The following ALMS1 variants were observed in gnomAD, a reference collection of about 807,000 sequenced individuals.
ALMS1 encodes the protein ALMS1 centrosome and basal body associated protein, also known as centrosome-associated protein ALMS1.
A neutral mutation model predicts 352.2 loss-of-function variants in ALMS1; 271 were observed. The observed-to-expected ratio is 0.77, with a 90% CI of 0.70 to 0.85. ALMS1 has a LOEUF of 0.85. ALMS1 is among the 40% of genes least tolerant of loss of function. The pLI is 0.00. For synonymous variants in ALMS1, 1,865 were observed against 1,761.2 expected (o/e 1.06, Z -1.48); for missense variants, 5,445 against 4,870.7 (o/e 1.12, Z -3.51).
chr2:73,431,251 T>C (rs1412756649), intron 6 of ALMS1, among the ~76,000 whole-genome samples: 2 of 152,186 alleles, frequency 1.3e-5, no homozygotes, highest in African/African-American at 4.8e-5. Context: ...GAAACCTGTA[T>C]GGGCAGTAGA....
chr2:73,465,338 T>C (rs1199636507), intron 9 of ALMS1, among the ~76,000 whole-genome samples: 1 of 152,064 alleles, frequency 6.6e-6, no homozygotes, highest in African/African-American at 2.4e-5. Flanking sequence ...ATGCCACATA[T>C]CTACAACCAT....
intron 1 of ALMS1, among the ~76,000 whole-genome samples, chr2:73,393,527 A>G (rs1245076883): frequency 6.6e-6 from 1 of 152,132 alleles, no homozygotes; most frequent in East Asian, 1.9e-4. Flanking sequence ...CGTTGTACTC[A>G]TTAAGTAATT....
chr2:73,530,620 A>G (rs1673888729), intron 11 of ALMS1, among the ~76,000 whole-genome samples: 1 of 152,226 alleles, frequency 6.6e-6, no homozygotes, highest in Non-Finnish European at 1.5e-5. Context: ...CAGCTCCACT[A>G]GGCAGTGCCC....
chr2:73,600,997 A>G, intron 18 of ALMS1, 116 bp downstream of exon 18: 1 of 1,412,772 alleles, frequency 7.1e-7, no homozygotes, highest in Non-Finnish European at 9.7e-7. Context: ...CCCCAGCCAC[A>G]ACCTTGTCAG....
chr2:73,422,087 C>G (rs1378736363), intron 3 of ALMS1, among the ~76,000 whole-genome samples: 4 of 151,876 alleles, frequency 2.6e-5, no homozygotes, highest in African/African-American at 4.8e-5. Context: ...GAAATTAAAA[C>G]TGAAACATTT....
intron 2 of ALMS1, among the ~76,000 whole-genome samples, chr2:73,415,283 CAG>C (rs994689390): frequency 5.3e-5 from 8 of 151,826 alleles, no homozygotes; most frequent in African/African-American, 1.9e-4. Context: ...AAAGGTTGAA[CAG>C]AGGTTGTTTT....
Position 73,455,086 on chromosome 2 carries a change from T to C in ALMS1, c.7541-76T>C. On this transcript the variant is annotated intron_variant, in intron 8 of 22. Coordinates refer to ENST00000613296, the MANE Select transcript of ALMS1 (RefSeq NM_001378454.1). ...GTGGGTATTAAATTGCATATATTGA[T>C]GATCTTCTGTGTTGCAATTGTTGAC... 3 of 1,497,916 alleles carry C rather than the reference T, an allele frequency of 2.0e-6. No individual in the cohort carries two copies. The South Asian group carries it at 3.4e-5, about 17-fold the overall frequency. 92.8% of individuals were successfully genotyped at this position (1,497,916 alleles called of 1,614,324 possible). A position where few individuals can be genotyped will look rare whatever the true frequency, so the allele number is the denominator to read the frequency against.
chr2:73,601,441 A>G lies in ALMS1; in HGVS notation c.12114+5A>G, dbSNP rs1031265010. On this transcript the variant is annotated splice_donor_5th_base_variant and intron_variant, in intron 19 of 22. Coordinates refer to ENST00000613296, the MANE Select transcript of ALMS1 (RefSeq NM_001378454.1). ...TTTGTGAGAGCAACCCTTCAGGTGC[A>G]GTGACGTTGACTTAACTTTAATGCT... 1 of 1,613,804 alleles carries G rather than the reference A, an allele frequency of 6.2e-7. No homozygotes were observed. Among genetic ancestry groups the G allele is most frequent in the African/African-American group, 1.3e-5 (1 of 74,930 alleles).
chr2:73,541,352 C>T (rs1674175678), intron 12 of ALMS1, among the ~76,000 whole-genome samples: 1 of 152,204 alleles, frequency 6.6e-6, no homozygotes, highest in Admixed American at 6.5e-5. Context: ...ATACCACAAT[C>T]TCTGGAACAC....
At chr2:73,408,768 T>C in intron 2 of ALMS1, 21 bp downstream of exon 2, 1 of 1,597,326 alleles carries the variant, frequency 6.3e-7, no homozygotes, top group Non-Finnish European at 8.5e-7. Flanking sequence ...TGTAACTGGC[T>C]AACTTTTTTT....
chr2:73,388,344 G>A (rs373039499), intron 1 of ALMS1, among the ~76,000 whole-genome samples: 1 of 152,124 alleles, frequency 6.6e-6, no homozygotes, highest in South Asian at 2.1e-4. Flanking sequence ...ATAATGGTGA[G>A]GTTTGGGCTT....
chr2:73,567,199 T>C (rs1163112021), intron 15 of ALMS1, among the ~76,000 whole-genome samples: 3 of 152,214 alleles, frequency 2.0e-5, no homozygotes, highest in Non-Finnish European at 2.9e-5. Flanking sequence ...TCTAAACATA[T>C]GGTTGTTCCC....
Position 73,451,721 on chromosome 2 carries a change from A to T in ALMS1, c.5194A>T (p.Thr1732Ser), listed in dbSNP as rs370735089. The stretch of plus-strand genomic sequence containing the variant: ...ACAGGCCCTGCCAGACAGTGAGCTA[A>T]CTCAAGAAGCTCTGAAAGTTTCAGC... The part of the protein sequence containing the change: ...YQQALPDSEL[T>S]QEALKVSAVP... The change falls in exon 8 of 23, where the codon ACT (threonine) becomes TCT (serine). Residue 1732 changes from threonine (T) to serine (S), a missense_variant. Transcript: ENST00000613296. 19 of 1,613,776 alleles carry T rather than the reference A, an allele frequency of 1.2e-5. No individual in the cohort carries two copies. The highest frequency in any genetic ancestry group is 1.5e-5 in the Non-Finnish European group (18 of 1,179,972).
intron 9 of ALMS1, among the ~76,000 whole-genome samples, chr2:73,462,221 C>A (rs963424422): frequency 2.7e-4 from 41 of 152,190 alleles, no homozygotes; most frequent in African/African-American, 9.4e-4. Flanking sequence ...GTCGGATTAC[C>A]CACAAAGGGA....
At chr2:73,609,441 TA>T in intron 22 of ALMS1, 126 bp from the exon 23 acceptor site, 1 of 890,876 alleles carries the variant, frequency 1.1e-6, no homozygotes, top group Non-Finnish European at 1.9e-6. Context: ...TGAAGCAGAG[TA>T]AAATGAACAA....
At chr2:73,540,524 T>G (rs555980496) in intron 12 of ALMS1, among the ~76,000 whole-genome samples, 1 of 152,206 alleles carries the variant, frequency 6.6e-6, no homozygotes, top group South Asian at 2.1e-4. Flanking sequence ...CACATAACAA[T>G]ATTAATCTTA....
Position 73,601,293 on chromosome 2 carries a change from A to G in ALMS1, c.11971A>G (p.Ile3991Val), listed in dbSNP as rs368146962. 215 of 1,614,104 alleles carry G rather than the reference A, an allele frequency of 1.3e-4. No individual in the cohort carries two copies. The highest frequency in any genetic ancestry group is 1.7e-4 in the Non-Finnish European group (197 of 1,180,040). The change falls in exon 19 of 23, where the codon ATA becomes GTA. Residue 3991 changes from isoleucine to valine, a missense_variant. Transcript: ENST00000613296. Reference protein sequence around the residue: ...CGPGISWFEPITKTRPWREPL... With the variant: ...CGPGISWFEPVTKTRPWREPL... ...CCCTGGCATCTCCTGGTTTGAACCA[A>G]TAACCAAGACCAGACCCTGGAGGGA...
chr2:73,578,816 G>A (rs1675108752), intron 16 of ALMS1, among the ~76,000 whole-genome samples: 1 of 152,060 alleles, frequency 6.6e-6, no homozygotes, highest in African/African-American at 2.4e-5. Context: ...AGGGAAAAGG[G>A]AAGAGTTACA....
intron 1 of ALMS1, among the ~76,000 whole-genome samples, chr2:73,396,179 T>G (rs568556951): frequency 2.0e-5 from 3 of 152,272 alleles, no homozygotes; most frequent in Non-Finnish European, 2.9e-5. Context: ...TTTTTAATAA[T>G]AATTTTGTCA....
Sources: allele counts gnomAD v4.1 joint callset (sites outside exome capture counted in the v4.1 genomes callset), GRCh38; gene constraint gnomAD v4.1.1; transcripts MANE v1.5; gene names NCBI Gene and HGNC (gene_info 2026-07-23, HGNC 2026-07-21).